The following ALK variants were observed in gnomAD, a reference collection of about 807,000 sequenced individuals.
The protein encoded by ALK is ALK tyrosine kinase receptor.
Under a neutral mutation model 163.1 loss-of-function variants are expected in ALK, and 74 were observed. The ratio of observed to expected loss-of-function variants is 0.45; its 90% confidence interval spans 0.38 to 0.55. The LOEUF (loss-of-function observed/expected upper bound fraction) is 0.55. Among genes scored for constraint, ALK ranks in the 20% least tolerant of loss-of-function variants. The pLI is 0.00. For missense variants in ALK, 2,063 were observed against 2,105.3 expected (o/e 0.98, Z 0.39); for synonymous variants, 960 against 843.2 (o/e 1.14, Z -2.40).
chr2:29,364,307 G>A (rs1464366310), intron 5 of ALK, among the ~76,000 whole-genome samples: 1 of 152,150 alleles, frequency 6.6e-6, no homozygotes, highest in African/African-American at 2.4e-5. Flanking sequence ...CCTCCTGGAA[G>A]GGGAAATGGA....
chr2:29,691,599 G>A (rs1378850419), intron 3 of ALK, among the ~76,000 whole-genome samples: 1 of 152,158 alleles, frequency 6.6e-6, no homozygotes, highest in Non-Finnish European at 1.5e-5. Flanking sequence ...TGACCCTTGG[G>A]ATCCAGCTTC....
intron 4 of ALK, among the ~76,000 whole-genome samples, chr2:29,510,596 A>T (rs1672484195): frequency 6.6e-6 from 1 of 152,216 alleles, no homozygotes; most frequent in African/African-American, 2.4e-5. Context: ...GTTTGCAGCA[A>T]AAAGAAATCA....
chr2:29,498,506 G>A (rs1672088351), intron 4 of ALK, among the ~76,000 whole-genome samples: 1 of 152,148 alleles, frequency 6.6e-6, no homozygotes, highest in Non-Finnish European at 1.5e-5. Flanking sequence ...CACCATCAGT[G>A]CCATGTCTAT....
chr2:29,261,363 T>C (rs969724352), intron 11 of ALK, among the ~76,000 whole-genome samples: 1 of 151,778 alleles, frequency 6.6e-6, no homozygotes, highest in Non-Finnish European at 1.5e-5. Context: ...GGGTGTTCTG[T>C]GCTTATGTAG....
At chr2:29,756,371 T>C (rs1238707626) in intron 1 of ALK, among the ~76,000 whole-genome samples, 1 of 152,176 alleles carries the variant, frequency 6.6e-6, no homozygotes, top group East Asian at 1.9e-4. Flanking sequence ...CCCAGCTAGG[T>C]TGTAAACTCA....
At chr2:29,351,468 C>T (rs1668110248) in intron 5 of ALK, among the ~76,000 whole-genome samples, 1 of 152,180 alleles carries the variant, frequency 6.6e-6, no homozygotes, top group South Asian at 2.1e-4. Context: ...AGGGACCAGT[C>T]CTCTGCTCAG....
chr2:29,538,019 T>C (rs946191582), intron 3 of ALK, among the ~76,000 whole-genome samples: 4 of 152,270 alleles, frequency 2.6e-5, no homozygotes, highest in African/African-American at 9.6e-5. Flanking sequence ...ACCACCATCG[T>C]ATCTTAGAAG....
chr2:29,832,021 A>T (rs185681568), intron 1 of ALK, among the ~76,000 whole-genome samples: 1 of 152,220 alleles, frequency 6.6e-6, no homozygotes, highest in African/African-American at 2.4e-5. Context: ...AAGAACCTCT[A>T]GCAACAGGAA....
At chr2:29,503,884 T>C (rs1672248873) in intron 4 of ALK, among the ~76,000 whole-genome samples, 1 of 152,042 alleles carries the variant, frequency 6.6e-6, no homozygotes, top group African/African-American at 2.4e-5. Flanking sequence ...TCCATAAAGT[T>C]CTTGCCCTCA....
rs577982692 is a variant in ALK at position 29,578,925 on chromosome 2, T to C, written c.953-46809A>G. On this transcript the variant is annotated intron_variant, in intron 3 of 28. Transcript: ENST00000389048. ...ACAATCTGAGCACTGTCTCTGTGCT[T>C]TCCTGGCTGGTGATGCCAGGAAGCC... 2.2e-3 allele frequency among the ~76,000 whole-genome samples: 329 copies of C among 152,296 alleles called. 1 individual carries two copies. The highest frequency in any genetic ancestry group is 7.7e-3 in the African/African-American group (318 of 41,568).
At chr2:29,603,475 T>C (rs1050665046) in intron 3 of ALK, among the ~76,000 whole-genome samples, 1 of 152,204 alleles carries the variant, frequency 6.6e-6, no homozygotes. Flanking sequence ...GTCTGTTTTG[T>C]CAGCCTTCAG....
At chr2:29,805,171 C>T (rs945018401) in intron 1 of ALK, among the ~76,000 whole-genome samples, 13 of 152,198 alleles carry the variant, frequency 8.5e-5, no homozygotes, top group African/African-American at 2.9e-4. Flanking sequence ...GTGCCCACCT[C>T]GCCAACCCCA....
At chr2:29,437,913 CT>C (rs1185904465) in intron 4 of ALK, among the ~76,000 whole-genome samples, 1 of 152,184 alleles carries the variant, frequency 6.6e-6, no homozygotes, top group Non-Finnish European at 1.5e-5. Flanking sequence ...TTTTGAAAAG[CT>C]TTTATACCCA....
intron 5 of ALK, among the ~76,000 whole-genome samples, chr2:29,376,009 A>G (rs1244874625): frequency 6.6e-6 from 1 of 152,134 alleles, no homozygotes; most frequent in Non-Finnish European, 1.5e-5. Flanking sequence ...GAAACATTCC[A>G]AACTCCTCCC....
chr2:29,481,140 T>C lies in ALK; in HGVS notation c.1154+50775A>G, dbSNP rs538423169. ...CGATTATTCTCGAACAGCAAGGGAG[T>C]TTCAGTCATTCACCCAAGCCATGCA... On this transcript the variant is annotated intron_variant, in intron 4 of 28. Coordinates refer to ENST00000389048, the MANE Select transcript of ALK (RefSeq NM_004304.5). Among the ~76,000 whole-genome samples the C allele has an allele frequency of 1.1e-4, 16 of 152,190 alleles. No individual in the cohort carries two copies. In the South Asian group the frequency reaches 3.3e-3, roughly 32 times the overall value.
intron 1 of ALK, among the ~76,000 whole-genome samples, chr2:29,859,799 A>G (rs1157150432): frequency 6.6e-6 from 1 of 152,206 alleles, no homozygotes; most frequent in Non-Finnish European, 1.5e-5. Flanking sequence ...GACTTCTTCT[A>G]GGAGGAAATG....
chr2:29,203,596 C>A (rs1669239227), intron 26 of ALK, among the ~76,000 whole-genome samples: 1 of 145,272 alleles, frequency 6.9e-6, no homozygotes, highest in African/African-American at 2.6e-5. Flanking sequence ...AAGCAATTCT[C>A]TGGCCTCATC....
intron 4 of ALK, among the ~76,000 whole-genome samples, chr2:29,417,131 G>A (rs1452700844): frequency 2.0e-5 from 3 of 151,930 alleles, no homozygotes; most frequent in East Asian, 3.9e-4. Context: ...GGGACTACAG[G>A]TGCCTGCCAC....
chr2:29,517,553 C>T (rs1442617185), intron 4 of ALK, among the ~76,000 whole-genome samples: 4 of 152,228 alleles, frequency 2.6e-5, no homozygotes, highest in South Asian at 4.1e-4. Context: ...CCAGTTTAGG[C>T]CATGAGCCCA....
Sources: allele counts gnomAD v4.1 joint callset (sites outside exome capture counted in the v4.1 genomes callset), GRCh38; gene constraint gnomAD v4.1.1; transcripts MANE v1.5; gene names NCBI Gene and HGNC (gene_info 2026-07-23, HGNC 2026-07-21).